The following PIK3C2G variants were observed in gnomAD, a reference collection of about 807,000 sequenced individuals.
PIK3C2G encodes phosphatidylinositol 3-kinase C2 domain-containing subunit gamma.
Under a neutral mutation model 181.1 loss-of-function variants are expected in PIK3C2G, and 168 were observed. The observed-to-expected ratio is 0.93, with a 90% CI of 0.82 to 1.05. PIK3C2G has a LOEUF of 1.05. Ranked by LOEUF, PIK3C2G falls within the 50% of genes least tolerant of loss-of-function variation. The probability of loss-of-function intolerance (pLI) is 0.00; values close to 1 mark genes in which losing one functional copy is unlikely to be tolerated. For missense variants in PIK3C2G, 1,869 were observed against 1,732.8 expected (o/e 1.08, Z -1.40); for synonymous variants, 573 against 592.2 (o/e 0.97, Z 0.47).
intron 18 of PIK3C2G, among the ~76,000 whole-genome samples, chr12:18,476,681 G>A (rs914367474): frequency 6.6e-6 from 1 of 152,010 alleles, no homozygotes; most frequent in Non-Finnish European, 1.5e-5. Context: ...GTGAGAGAAG[G>A]GCCAAGGATA....
intron 29 of PIK3C2G, among the ~76,000 whole-genome samples, chr12:18,580,269 T>C (rs1007852505): frequency 6.6e-6 from 1 of 152,218 alleles, no homozygotes; most frequent in African/African-American, 2.4e-5. Flanking sequence ...TTTTAAAAAT[T>C]TTAAAGCCAT....
At chr12:18,531,892 A>T (rs1174116482) in intron 24 of PIK3C2G, among the ~76,000 whole-genome samples, 1 of 152,160 alleles carries the variant, frequency 6.6e-6, no homozygotes. Flanking sequence ...TAAATGTCCA[A>T]AAGTATAATT....
chr12:18,528,761 A>C (rs1943381940), intron 24 of PIK3C2G, among the ~76,000 whole-genome samples: 1 of 152,130 alleles, frequency 6.6e-6, no homozygotes, highest in Non-Finnish European at 1.5e-5. Context: ...GCTCTTCTCA[A>C]ATTGCTCTGG....
chr12:18,651,521 G>A (rs1950517618), downstream of PIK3C2G, among the ~76,000 whole-genome samples: 1 of 152,170 alleles, frequency 6.6e-6, no homozygotes, highest in African/African-American at 2.4e-5. Flanking sequence ...TTCACTGACA[G>A]TAGAGACTTA....
At chr12:18,511,509 C>G (rs578135824) in intron 24 of PIK3C2G, among the ~76,000 whole-genome samples, 20 of 152,146 alleles carry the variant, frequency 1.3e-4, no homozygotes, top group African/African-American at 4.8e-4. Context: ...TTTGATAAAT[C>G]CATTCTAACA....
chr12:18,721,037 T>C, the PIK3C2G span, among the ~76,000 whole-genome samples: 1 of 152,154 alleles, frequency 6.6e-6, no homozygotes, highest in African/African-American at 2.4e-5. Context: ...CCATATAAAT[T>C]TAGGAAGATA....
intron 29 of PIK3C2G, among the ~76,000 whole-genome samples, chr12:18,583,460 G>C (rs1466974116): frequency 6.6e-6 from 1 of 152,028 alleles, no homozygotes; most frequent in Non-Finnish European, 1.5e-5. Flanking sequence ...GACAGTAACA[G>C]CTCTGCAAAT....
rs748819829 is a variant in PIK3C2G, at chr12:18,620,566, A to ATAGG, written c.4182+10940_4182+10943dup. 2.3e-4 allele frequency among the ~76,000 whole-genome samples: 34 copies of ATAGG among 149,948 alleles called. 1 individual carries two copies. Among genetic ancestry groups the ATAGG allele is most frequent in the Admixed American group, 2.2e-3 (33 of 15,062 alleles). ...GATAGATAGATAGATAGATAGATAGATAGGTAACCATACTGTAGGGTGCAG... is the reference window on the plus strand; with the variant it reads ...GATAGATAGATAGATAGATAGATAGATAGGTAGGTAACCATACTGTAGGGTGCAG... On this transcript the variant is annotated intron_variant, in intron 31 of 32. Coordinates refer to ENST00000538779, the MANE Select transcript of PIK3C2G (RefSeq NM_001288772.2).
chr12:18,715,252 A>C, the PIK3C2G span, among the ~76,000 whole-genome samples: 3 of 148,620 alleles, frequency 2.0e-5, no homozygotes, highest in African/African-American at 7.4e-5. Flanking sequence ...AATAATAGAG[A>C]TAAAAGTTGG....
chr12:18,375,863 C>T (rs7134534), intron 13 of PIK3C2G, among the ~76,000 whole-genome samples: 22,062 of 152,196 alleles, frequency 0.14, 2,059 homozygotes, highest in Admixed American at 0.27. Flanking sequence ...GCGCAGGTAC[C>T]GCTTGGGCCA....
Position 18,564,893 on chromosome 12 carries a change from T to A in PIK3C2G, c.3902+1395T>A, listed in dbSNP as rs115981481. On this transcript the variant is annotated intron_variant, in intron 28 of 32. Transcript: ENST00000538779. ...TTTCAAAAATGTCTCTGTTCTACAC[T>A]GTACCTCACCAATACATATCAGTAT... Among the ~76,000 whole-genome samples, 1,158 of 152,310 alleles carry A rather than the reference T, an allele frequency of 7.6e-3. 12 individuals are homozygous for A. Among genetic ancestry groups the A allele is most frequent in the African/African-American group, 0.026 (1,097 of 41,568 alleles).
the PIK3C2G span, among the ~76,000 whole-genome samples, chr12:18,663,660 G>C: frequency 6.6e-6 from 1 of 151,538 alleles, no homozygotes; most frequent in Non-Finnish European, 1.5e-5. Flanking sequence ...AAAAACATAG[G>C]ACAAAAGCTT....
At chr12:18,324,231 C>G (rs928121425) in intron 7 of PIK3C2G, among the ~76,000 whole-genome samples, 1 of 151,058 alleles carries the variant, frequency 6.6e-6, no homozygotes, top group East Asian at 2.0e-4. Context: ...AAAAAAAAAA[C>G]CACTGCCATT....
chr12:18,719,766 A>G, the PIK3C2G span: 1 of 543,592 alleles, frequency 1.8e-6, no homozygotes, highest in African/African-American at 2.0e-5. Flanking sequence ...TAATATTAAT[A>G]CTATATTTAT....
chr12:18,650,723 T>TTCCAGTCC (rs1565602747), downstream of PIK3C2G, among the ~76,000 whole-genome samples: 4 of 18,364 alleles, frequency 2.2e-4, no homozygotes, highest in Non-Finnish European at 2.6e-4. Flanking sequence ...TATATATATA[T>TTCCAGTCC]ATATATATAT....
the PIK3C2G span, among the ~76,000 whole-genome samples, chr12:18,720,655 C>T: frequency 7.9e-5 from 12 of 151,552 alleles, no homozygotes; most frequent in African/African-American, 2.9e-4. Flanking sequence ...TCATTTCAAC[C>T]AAAAAGAAAA....
At chr12:18,424,633 A>G (rs1488756554) in intron 18 of PIK3C2G, 2 of 187,098 alleles carry the variant, frequency 1.1e-5, no homozygotes, top group Non-Finnish European at 2.3e-5. Flanking sequence ...GCTTCTGTAC[A>G]TCAACCCCAC....
intron 1 of PIK3C2G, among the ~76,000 whole-genome samples, chr12:18,277,218 T>C (rs2137090570): frequency 6.6e-6 from 1 of 152,312 alleles, no homozygotes; most frequent in South Asian, 2.1e-4. Flanking sequence ...CAAATTGAAC[T>C]GAGGAAGGTC....
At chr12:18,395,267 C>T (rs1460741859) in intron 15 of PIK3C2G, among the ~76,000 whole-genome samples, 1 of 149,726 alleles carries the variant, frequency 6.7e-6, no homozygotes, top group African/African-American at 2.5e-5. Context: ...TATAGAGAAA[C>T]AACTATAATA....
Sources: allele counts gnomAD v4.1 joint callset (sites outside exome capture counted in the v4.1 genomes callset), GRCh38; gene constraint gnomAD v4.1.1; transcripts MANE v1.5; gene names NCBI Gene and HGNC (gene_info 2026-07-23, HGNC 2026-07-21).